Variants in SPATA31H1 observed in about 807,000 individuals in gnomAD.
SPATA31H1 encodes spermatogenesis-associated protein 31H1.
At chr2:27,566,247 T>C in the SPATA31H1 span, 1 of 712,272 alleles carries the variant, frequency 1.4e-6, no homozygotes, top group Non-Finnish European at 2.6e-6. Context: ...ACTGGTACTT[T>C]AATGAAACTT....
At chr2:27,541,146 G>A in the SPATA31H1 span, among the ~76,000 whole-genome samples, 1 of 150,466 alleles carries the variant, frequency 6.6e-6, no homozygotes, top group Non-Finnish European at 1.5e-5. Flanking sequence ...CGGCACCTCG[G>A]GAGGCCGAGG....
At chr2:27,572,108 G>C in the SPATA31H1 span, 1 of 398,334 alleles carries the variant, frequency 2.5e-6, no homozygotes, top group Non-Finnish European at 4.4e-6. Flanking sequence ...CTGACCTACA[G>C]TCGAAAGGTA....
At chr2:27,548,332 G>A in the SPATA31H1 span, among the ~76,000 whole-genome samples, 1 of 151,826 alleles carries the variant, frequency 6.6e-6, no homozygotes, top group Non-Finnish European at 1.5e-5. Context: ...TATCGCCTGG[G>A]TGCAGTGACT....
chr2:27,574,029 A>G, the SPATA31H1 span: 16 of 398,348 alleles, frequency 4.0e-5, no homozygotes, highest in African/African-American at 2.5e-4. Flanking sequence ...GTTAAACCCC[A>G]GTTCACAATT....
the SPATA31H1 span, chr2:27,581,032 AG>A: frequency 2.5e-6 from 4 of 1,614,208 alleles, no homozygotes; most frequent in Non-Finnish European, 3.4e-6. Context: ...AGCAGATCAA[AG>A]AAAAACTTCT....
chr2:27,571,087 A>G, the SPATA31H1 span: 1 of 398,406 alleles, frequency 2.5e-6, no homozygotes, highest in Non-Finnish European at 4.4e-6. Context: ...CCACAGCTAG[A>G]AGATATGACA....
chr2:27,560,679 G>A, the SPATA31H1 span, among the ~76,000 whole-genome samples: 4 of 151,912 alleles, frequency 2.6e-5, no homozygotes, highest in Non-Finnish European at 4.4e-5. Flanking sequence ...GGATGGTCTC[G>A]ATCTCCTGAC....
At chr2:27,572,475 C>T in the SPATA31H1 span, 1 of 398,330 alleles carries the variant, frequency 2.5e-6, no homozygotes, top group Non-Finnish European at 4.4e-6. Context: ...TAAATTGGTT[C>T]TAGAGCCAAA....
At chr2:27,574,538 C>T in the SPATA31H1 span, 1 of 398,314 alleles carries the variant, frequency 2.5e-6, no homozygotes, top group Non-Finnish European at 4.4e-6. Context: ...CTGGACAACA[C>T]TTTCAAGGTA....
the SPATA31H1 span, among the ~76,000 whole-genome samples, chr2:27,558,870 C>T: frequency 3.0e-5 from 3 of 98,636 alleles, no homozygotes; most frequent in African/African-American, 3.9e-5. Context: ...AGCCTTGGCT[C>T]GGCATCAGAG....
chr2:27,564,249 C>G, the SPATA31H1 span, among the ~76,000 whole-genome samples: 2 of 152,074 alleles, frequency 1.3e-5, no homozygotes, highest in East Asian at 3.9e-4. Context: ...TTGTGGTGGG[C>G]AGATTTTTTC....
the SPATA31H1 span, among the ~76,000 whole-genome samples, chr2:27,538,717 G>T: frequency 2.0e-5 from 3 of 152,034 alleles, no homozygotes; most frequent in Admixed American, 2.0e-4. Context: ...TGTAGTCTTA[G>T]CTACCGGGGA....
chr2:27,581,553 A>G, the SPATA31H1 span: 1 of 1,461,174 alleles, frequency 6.8e-7, no homozygotes, highest in South Asian at 1.2e-5. Flanking sequence ...CTCAGAGAGA[A>G]GCCATCGCAG....
At chr2:27,541,134 C>T in the SPATA31H1 span, among the ~76,000 whole-genome samples, 1 of 149,570 alleles carries the variant, frequency 6.7e-6, no homozygotes, top group Non-Finnish European at 1.5e-5. Context: ...CGTCTGCAAT[C>T]CCGGCACCTC....
the SPATA31H1 span, chr2:27,573,336 G>C: frequency 2.5e-6 from 1 of 398,260 alleles, no homozygotes; most frequent in African/African-American, 2.1e-5. Context: ...GCTTGGAAGT[G>C]TGAACTCTGT....
At chr2:27,560,255 C>T in the SPATA31H1 span, among the ~76,000 whole-genome samples, 2 of 152,084 alleles carry the variant, frequency 1.3e-5, no homozygotes, top group African/African-American at 2.4e-5. Flanking sequence ...TTTGTTTCTG[C>T]ACTTGTCCTT....
the SPATA31H1 span, chr2:27,566,885 A>G: frequency 2.5e-5 from 18 of 717,484 alleles, no homozygotes; most frequent in African/African-American, 7.0e-5. Flanking sequence ...CCTTTAGTTC[A>G]TCATGCAATG....
chr2:27,576,270 G>C, the SPATA31H1 span: 1 of 428,320 alleles, frequency 2.3e-6, no homozygotes, highest in Non-Finnish European at 4.1e-6. Flanking sequence ...ACATTTACAA[G>C]ATGTAAAATG....
the SPATA31H1 span, chr2:27,578,640 A>G: frequency 1.2e-6 from 2 of 1,614,202 alleles, no homozygotes; most frequent in Non-Finnish European, 1.7e-6. Context: ...ATCTACAGTG[A>G]TAAAAACAGA....
Sources: allele counts gnomAD v4.1 joint callset (sites outside exome capture counted in the v4.1 genomes callset), GRCh38; gene constraint gnomAD v4.1.1; transcripts MANE v1.5; gene names NCBI Gene and HGNC (gene_info 2026-07-23, HGNC 2026-07-21).